Variants in KCNH1 observed in about 807,000 individuals in gnomAD.
KCNH1 encodes the protein potassium voltage-gated channel subfamily H member 1, also known as voltage-gated delayed rectifier potassium channel KCNH1.
KCNH1 carries 27 observed loss-of-function variants against 69.2 expected under a neutral mutation model. The observed-to-expected ratio is 0.39, with a 90% CI of 0.29 to 0.54. KCNH1 has a LOEUF of 0.54. Ranked by LOEUF, KCNH1 falls within the 20% of genes least tolerant of loss-of-function variation. The pLI is 0.68. For synonymous variants in KCNH1, 456 were observed against 487.7 expected, an observed-to-expected ratio of 0.93 and a Z score of 0.86; for missense variants, 798 against 1,261.6, an observed-to-expected ratio of 0.63 and a Z score of 5.57.
chr1:210,858,437 T>A (rs895363294), intron 7 of KCNH1: 9 of 152,336 alleles, frequency 5.9e-5, no homozygotes, highest in South Asian at 2.1e-4. Flanking sequence ...CTAGTTCATT[T>A]TTAAATTAAT....
chr1:210,929,569 T>C (rs1050319962), intron 6 of KCNH1, among the ~76,000 whole-genome samples: 5 of 152,230 alleles, frequency 3.3e-5, no homozygotes, highest in African/African-American at 1.2e-4. Context: ...ACAGCCAACA[T>C]CACACAGAAC....
chr1:210,729,116 G>A (rs1480056462), intron 10 of KCNH1, among the ~76,000 whole-genome samples: 1 of 152,234 alleles, frequency 6.6e-6, no homozygotes, highest in Non-Finnish European at 1.5e-5. Flanking sequence ...GTTAGAAGAA[G>A]TAATCATTTC....
At chr1:211,119,013 T>C (rs1691637296) in intron 1 of KCNH1, among the ~76,000 whole-genome samples, 1 of 152,334 alleles carries the variant, frequency 6.6e-6, no homozygotes, top group East Asian at 1.9e-4. Context: ...CATGTCTTCC[T>C]GACATTTTGG....
At chr1:210,725,347 A>C (rs1365730052) in intron 10 of KCNH1, among the ~76,000 whole-genome samples, 1 of 152,226 alleles carries the variant, frequency 6.6e-6, no homozygotes, top group Non-Finnish European at 1.5e-5. Context: ...AATTCAAGAT[A>C]CATTTACTGA....
At chr1:210,992,361 T>C (rs1688952925) in intron 6 of KCNH1, among the ~76,000 whole-genome samples, 1 of 152,234 alleles carries the variant, frequency 6.6e-6, no homozygotes, top group African/African-American at 2.4e-5. Context: ...TCTGGTTATA[T>C]CTTTCTTGCA....
intron 7 of KCNH1, among the ~76,000 whole-genome samples, chr1:210,897,261 A>G (rs748438983): frequency 6.6e-6 from 1 of 152,240 alleles, no homozygotes; most frequent in Non-Finnish European, 1.5e-5. Context: ...AGAAAAGAGA[A>G]GTAGAAATCC....
At chr1:210,981,922 G>A (rs1459042315) in intron 6 of KCNH1, among the ~76,000 whole-genome samples, 1 of 152,124 alleles carries the variant, frequency 6.6e-6, no homozygotes, top group Non-Finnish European at 1.5e-5. Flanking sequence ...GTGGGCACAT[G>A]TGTGTTAAGT....
intron 10 of KCNH1, among the ~76,000 whole-genome samples, chr1:210,700,464 C>G (rs1411051717): frequency 3.3e-5 from 5 of 152,196 alleles, no homozygotes; most frequent in African/African-American, 1.2e-4. Flanking sequence ...TAAAGTTGCT[C>G]TGCCTGGGTT....
At chr1:211,104,250 A>G (rs546135654) in intron 2 of KCNH1, among the ~76,000 whole-genome samples, 11 of 152,334 alleles carry the variant, frequency 7.2e-5, no homozygotes, top group African/African-American at 2.4e-4. Flanking sequence ...ATGGGAGCAC[A>G]ATGGGAGGGT....
At chr1:210,940,917 C>T (rs917731888) in intron 6 of KCNH1, among the ~76,000 whole-genome samples, 6 of 152,198 alleles carry the variant, frequency 3.9e-5, no homozygotes, top group African/African-American at 9.7e-5. Flanking sequence ...TAGCCACGCC[C>T]TTAATTTGCT....
Position 211,061,042 on chromosome 1 carries a change from T to C in KCNH1, c.558+21738A>G, listed in dbSNP as rs1231709018. ...TACAGGCCAATATCCCTGATGAACATTGATGCAAAAATCCTCAACAAAATA... is the reference window on the plus strand; with the variant it reads ...TACAGGCCAATATCCCTGATGAACACTGATGCAAAAATCCTCAACAAAATA... On this transcript the variant is annotated intron_variant, in intron 5 of 10. Coordinates refer to ENST00000271751, the MANE Select transcript of KCNH1 (RefSeq NM_172362.3). Among the ~76,000 whole-genome samples the C allele has an allele frequency of 3.9e-5, 6 of 152,162 alleles. No individual in the cohort carries two copies. The East Asian group carries it at 5.8e-4, about 15-fold the overall frequency.
intron 5 of KCNH1, among the ~76,000 whole-genome samples, chr1:211,070,668 A>G (rs189704824): frequency 1.2e-4 from 19 of 152,054 alleles, no homozygotes; most frequent in Admixed American, 8.5e-4. Context: ...TACTAAAAAT[A>G]CAAAAAGTAG....
intron 7 of KCNH1, among the ~76,000 whole-genome samples, chr1:210,870,689 G>A (rs1307432260): frequency 6.6e-6 from 1 of 152,140 alleles, no homozygotes; most frequent in African/African-American, 2.4e-5. Context: ...TTGTCAAGTT[G>A]AAGATCCCAG....
chr1:210,887,416 AACCGGGACCAGCC>A (rs1172732275), intron 7 of KCNH1, among the ~76,000 whole-genome samples: 2 of 152,216 alleles, frequency 1.3e-5, no homozygotes, highest in East Asian at 3.9e-4. Context: ...GGAAAGGAAC[AACCGGGACCAGCC>A]ACTGCAAAAC....
At chr1:211,072,519 A>G (rs531168412) in intron 5 of KCNH1, among the ~76,000 whole-genome samples, 124 of 152,364 alleles carry the variant, frequency 8.1e-4, no homozygotes, top group Middle Eastern at 6.8e-3. Context: ...ATGAAAAATA[A>G]CATGTATTCA....
In KCNH1 at chr1:210,683,303, C is replaced by G; in HGVS notation, c.2948G>C (p.Arg983Thr). The stretch of plus-strand genomic sequence containing the variant: ...CTCTCAGCTGGCTCCAAAAATGTCT[C>G]TCTCTGATTCTGGGGACTGTGGCCT... ...ISRPQSPESE[R>T]DIFGAS The change falls in exon 11 of 11, where the codon AGA becomes ACA. Residue 983 changes from arginine (R) to threonine (T), a missense_variant. Around this residue, in one of 4 missense-constraint regions of KCNH1, gnomAD observed 331 missense variants for 363.2 expected, o/e 0.91. Transcript: ENST00000271751. The surrounding 1 kb of genome is among the most constrained non-coding windows in gnomAD (Gnocchi z 5.7). 1 of 1,613,498 alleles carries G rather than the reference C, an allele frequency of 6.2e-7. No individual in the cohort carries two copies.
intron 5 of KCNH1, among the ~76,000 whole-genome samples, chr1:211,077,931 A>C: frequency 6.6e-6 from 1 of 151,832 alleles, no homozygotes; most frequent in African/African-American, 2.4e-5. Context: ...AAGCAAATGG[A>C]AAGCAAAAAG....
intron 6 of KCNH1, among the ~76,000 whole-genome samples, chr1:210,949,633 C>T (rs1408416429): frequency 6.6e-6 from 1 of 152,212 alleles, no homozygotes; most frequent in Non-Finnish European, 1.5e-5. Context: ...CGCAAAACAG[C>T]ACTTCATAAA....
chr1:210,884,534 C>G (rs1686562820), intron 7 of KCNH1, among the ~76,000 whole-genome samples: 1 of 152,212 alleles, frequency 6.6e-6, no homozygotes, highest in South Asian at 2.1e-4. Context: ...GCTAGGCCCT[C>G]AAACTCAGAC....
Sources: allele counts gnomAD v4.1 joint callset (sites outside exome capture counted in the v4.1 genomes callset), GRCh38; gene constraint gnomAD v4.1.1; regional missense constraint gnomAD v4.1.1; non-coding constraint Gnocchi (gnomAD v3.1); transcripts MANE v1.5; gene names NCBI Gene and HGNC (gene_info 2026-07-23, HGNC 2026-07-21).